ZNF600: variants seen among roughly 807,000 people sequenced by gnomAD.
ZNF600 encodes zinc finger protein KR-ZNF1.
ZNF600 carries 4 observed loss-of-function variants against 7.3 expected under a neutral mutation model. That is an observed-to-expected ratio of 0.55 (90% CI 0.27 to 1.25). ZNF600 has a LOEUF of 1.25. Ranked by LOEUF, ZNF600 falls within the 50% of genes most tolerant of loss-of-function variation. The pLI is 0.12. For missense variants in ZNF600, 911 were observed against 922.1 expected (o/e 0.99, Z 0.16); for synonymous variants, 290 against 308.9 (o/e 0.94, Z 0.64).
chr19:52,771,827 G>T (rs2062632605), intron 3 of ZNF600, among the ~76,000 whole-genome samples: 1 of 151,996 alleles, frequency 6.6e-6, no homozygotes, highest in Admixed American at 6.6e-5. Flanking sequence ...TTGCCCGACT[G>T]CTCTCAAACT....
At chr19:52,827,243 T>TAAA in the ZNF600 span, among the ~76,000 whole-genome samples, 1 of 69,282 alleles carries the variant, frequency 1.4e-5, no homozygotes, top group Non-Finnish European at 3.2e-5. Context: ...ACCCTGTCTC[T>TAAA]AAAAACAAAA....
chr19:52,826,989 A>T, the ZNF600 span, among the ~76,000 whole-genome samples: 26 of 152,096 alleles, frequency 1.7e-4, no homozygotes, highest in African/African-American at 6.3e-4. Flanking sequence ...TGGGAAGATC[A>T]CTTGAGGCCA....
the ZNF600 span, among the ~76,000 whole-genome samples, chr19:52,806,924 T>C: frequency 6.6e-6 from 1 of 151,758 alleles, no homozygotes; most frequent in African/African-American, 2.4e-5. Context: ...AAAGAAAGAA[T>C]AGAAAGAAAG....
chr19:52,811,161 C>T, the ZNF600 span, among the ~76,000 whole-genome samples: 15,750 of 150,570 alleles, frequency 0.1, 1,218 homozygotes, highest in African/African-American at 0.2. Context: ...CCCGAGGTGC[C>T]GGGATTGCAG....
At chr19:52,817,039 T>G in the ZNF600 span, among the ~76,000 whole-genome samples, 88,796 of 151,596 alleles carry the variant, frequency 0.59, 27,223 homozygotes, top group Non-Finnish European at 0.69. Context: ...GTTGAATGAC[T>G]CTCCTGCTAT....
the ZNF600 span, among the ~76,000 whole-genome samples, chr19:52,813,784 T>A: frequency 2.0e-5 from 3 of 146,642 alleles, no homozygotes; most frequent in Non-Finnish European, 4.4e-5. Context: ...CCCTTCCCCA[T>A]GGGGAAATGC....
chr19:52,829,411 A>T, the ZNF600 span, among the ~76,000 whole-genome samples: 1 of 127,708 alleles, frequency 7.8e-6, no homozygotes, highest in Non-Finnish European at 1.5e-5. Flanking sequence ...TTTCACTCTT[A>T]TTGCCCAGGC....
Position 52,772,248 on chromosome 19 carries a change from C to T in ZNF600, c.190+2327G>A, listed in dbSNP as rs544506545. 6.6e-4 allele frequency among the ~76,000 whole-genome samples: 101 copies of T among 151,944 alleles called. 1 individual carries two copies. Among genetic ancestry groups the T allele is most frequent in the African/African-American group, 2.4e-3 (98 of 41,442 alleles). On this transcript the variant is annotated intron_variant, in intron 3 of 3. Coordinates refer to ENST00000648973, the Ensembl canonical transcript of ZNF600. Reference sequence around the variant, plus strand: ...ACTTGAACCCAGGAAGTGGAGGTTGCGGTGAGCTGAGATTGAACCAATGTA... The same window carrying T: ...ACTTGAACCCAGGAAGTGGAGGTTGTGGTGAGCTGAGATTGAACCAATGTA...
At chr19:52,766,444 C>T (rs2062578602) in exon 4 of ZNF600, 6 of 1,614,102 alleles carry the variant, frequency 3.7e-6, no homozygotes, top group Non-Finnish European at 5.1e-6. Context: ...GGTTGCTCTC[C>T]AGTATGAATT....
At chr19:52,802,150 C>G in the ZNF600 span, among the ~76,000 whole-genome samples, 1 of 152,118 alleles carries the variant, frequency 6.6e-6, no homozygotes, top group African/African-American at 2.4e-5. Context: ...GTAAGGATAA[C>G]CAAAATCAAT....
At chr19:52,816,955 T>C in the ZNF600 span, among the ~76,000 whole-genome samples, 2 of 152,040 alleles carry the variant, frequency 1.3e-5, no homozygotes, top group Non-Finnish European at 2.9e-5. Flanking sequence ...CAACCACTTT[T>C]ACCAAAAACA....
At chr19:52,800,239 C>T in the ZNF600 span, 12 of 1,611,396 alleles carry the variant, frequency 7.4e-6, no homozygotes, top group African/African-American at 1.3e-5. Context: ...GCAAGGTTTG[C>T]TTTTGTACTA....
chr19:52,827,341 T>G, the ZNF600 span, among the ~76,000 whole-genome samples: 1 of 152,008 alleles, frequency 6.6e-6, no homozygotes, highest in Non-Finnish European at 1.5e-5. Flanking sequence ...CTTTCCAGAA[T>G]GCACAAGATA....
the ZNF600 span, among the ~76,000 whole-genome samples, chr19:52,828,949 C>T: frequency 0.46 from 70,237 of 151,696 alleles, 17,760 homozygotes; most frequent in Non-Finnish European, 0.58. Flanking sequence ...CAAGCTCTGC[C>T]TCCCAGATTC....
At chr19:52,779,745 CAG>C (rs1342304035) in intron 1 of ZNF600, among the ~76,000 whole-genome samples, 1 of 152,114 alleles carries the variant, frequency 6.6e-6, no homozygotes, top group Non-Finnish European at 1.5e-5. Flanking sequence ...AAAGACTAAT[CAG>C]AAACTCAAAA....
chr19:52,800,363 T>A, the ZNF600 span: 2 of 1,613,004 alleles, frequency 1.2e-6, no homozygotes, highest in African/African-American at 1.3e-5. Flanking sequence ...TACATTTGTA[T>A]GGTTTCTCTC....
At chr19:52,804,497 A>T in the ZNF600 span, among the ~76,000 whole-genome samples, 1 of 151,994 alleles carries the variant, frequency 6.6e-6, no homozygotes, top group East Asian at 1.9e-4. Flanking sequence ...CAACCTCCCA[A>T]GTAGCTGGGA....
chr19:52,787,452 G>A (rs1237124404), upstream of ZNF600, among the ~76,000 whole-genome samples: 26 of 143,690 alleles, frequency 1.8e-4, no homozygotes, highest in African/African-American at 6.7e-4. Flanking sequence ...TGTCGCCCAG[G>A]CTGGAGTGCA....
upstream of ZNF600, among the ~76,000 whole-genome samples, chr19:52,788,600 C>G (rs1462747997): frequency 6.6e-6 from 1 of 152,092 alleles, no homozygotes. Context: ...CAATTTTGAC[C>G]TGTTTTGAGG....
Sources: gnomAD v4.1 joint callset for allele counts (sites outside exome capture counted in the v4.1 genomes callset) on GRCh38, gnomAD v4.1.1 for gene constraint, MANE v1.5 for transcripts, NCBI Gene and HGNC (gene_info 2026-07-23, HGNC 2026-07-21) for gene names.